ANKRD35: variants seen among roughly 807,000 people sequenced by gnomAD.
ANKRD35 encodes the protein ankyrin repeat domain-containing protein 35.
A neutral mutation model predicts 109.9 loss-of-function variants in ANKRD35; 102 were observed. The ratio of observed to expected loss-of-function variants is 0.93; its 90% CI spans 0.79 to 1.09. The LOEUF (loss-of-function observed/expected upper bound fraction) is 1.09, where lower values mean the gene tolerates loss of function less well. Among genes scored for constraint, ANKRD35 ranks in the 50% least tolerant of loss-of-function variants. The pLI is 0.00. For synonymous variants in ANKRD35, 515 were observed against 512.4 expected, an observed-to-expected ratio of 1.01 and a Z score of -0.07; for missense variants, 1,240 against 1,230.1, an observed-to-expected ratio of 1.01 and a Z score of -0.12.
In ANKRD35 at chr1:145,868,556, T is replaced by C. The variant is rs1653691007; in HGVS notation, c.2788-156A>G. On this transcript the variant is annotated intron_variant, in intron 10 of 13. Coordinates refer to ENST00000355594, the MANE Select transcript of ANKRD35 (RefSeq NM_144698.5). ...AAACAGCTTTTCTTCTGTGTGGTGTTCACTAAAAGTAGGAATAACAACGTA... is the reference window on the plus strand; with the variant it reads ...AAACAGCTTTTCTTCTGTGTGGTGTCCACTAAAAGTAGGAATAACAACGTA... 1.3e-5 allele frequency among the ~76,000 whole-genome samples: 2 copies of C among 152,230 alleles called. 1 individual carries two copies. The highest frequency in any genetic ancestry group is 4.1e-4 in the South Asian group (2 of 4,834).
chr1:145,869,399 C>T (rs1242625760), intron 10 of ANKRD35, among the ~76,000 whole-genome samples: 1 of 152,032 alleles, frequency 6.6e-6, no homozygotes, highest in African/African-American at 2.4e-5. Context: ...CCAGGCTGGT[C>T]TCGAACTCCT....
At position 145,872,183 on chromosome 1, in the gene ANKRD35, C is replaced by A. The variant is rs782380320; in HGVS notation, c.2586G>T (p.Thr862=). The part of the protein sequence containing the change: ...ELKALLEKYN[T]ACREVGRLRE... ...GCAGCCGACCCACTTCCCGGCAGGC[C>A]GTATTATACTTTTCCAACAGAGCCT... The change falls in exon 10 of 14, where the codon ACG becomes ACT. Residue 862 remains threonine (T), a synonymous_variant. Coordinates refer to ENST00000355594, the MANE Select transcript of ANKRD35 (RefSeq NM_144698.5). 1.2e-5 allele frequency: 20 copies of A among 1,607,874 alleles called. No homozygotes were observed. Among genetic ancestry groups the A allele is most frequent in the Middle Eastern group, 1.7e-4 (1 of 5,992 alleles).
At chr1:145,875,827 G>A (rs1384806692) in intron 7 of ANKRD35, among the ~76,000 whole-genome samples, 3 of 152,172 alleles carry the variant, frequency 2.0e-5, no homozygotes, top group Non-Finnish European at 4.4e-5. Context: ...GGATCACAGG[G>A]ATTCTACATA....
intron 8 of ANKRD35, 22 bp downstream of exon 8, chr1:145,874,800 G>A: frequency 6.5e-7 from 1 of 1,545,374 alleles, no homozygotes; most frequent in Non-Finnish European, 8.7e-7. Context: ...AGAGAACGTG[G>A]AAGTTACACA....
intron 3 of ANKRD35, 132 bp from the exon 4 acceptor site, chr1:145,878,164 A>T: frequency 2.0e-6 from 2 of 990,878 alleles, no homozygotes; most frequent in Non-Finnish European, 3.2e-6. Context: ...ACGGGGCCAG[A>T]AATTCCTGTT....
intron 1 of ANKRD35, among the ~76,000 whole-genome samples, chr1:145,881,026 C>T (rs913640908): frequency 1.3e-5 from 2 of 152,178 alleles, no homozygotes; most frequent in East Asian, 3.8e-4. Flanking sequence ...TGGTTCACGC[C>T]TGCAATCCCA....
intron 10 of ANKRD35, among the ~76,000 whole-genome samples, chr1:145,870,202 T>C (rs892033836): frequency 8.6e-5 from 13 of 151,254 alleles, no homozygotes; most frequent in Non-Finnish European, 7.4e-5. Flanking sequence ...ACCATTCTCC[T>C]GCCTCAGCCT....
intron 1 of ANKRD35, among the ~76,000 whole-genome samples, chr1:145,880,231 T>C (rs760153744): frequency 1.4e-4 from 21 of 152,078 alleles, no homozygotes; most frequent in Non-Finnish European, 2.6e-4. Context: ...TGAAGTGTTA[T>C]AGGGCATAAA....
chr1:145,867,923 G>T (rs1653666223), intron 12 of ANKRD35, 68 bp downstream of exon 12: 1 of 1,476,214 alleles, frequency 6.8e-7, no homozygotes, highest in South Asian at 1.1e-5. Context: ...AAGAGAGAGG[G>T]ACCCTAAATG....
chr1:145,879,049 T>C (rs587628512), intron 2 of ANKRD35, among the ~76,000 whole-genome samples: 1 of 152,326 alleles, frequency 6.6e-6, no homozygotes, highest in South Asian at 2.1e-4. Context: ...CAATCTGGGT[T>C]GTGCAATGGA....
intron 2 of ANKRD35, 39 bp downstream of exon 2, chr1:145,879,219 A>AAGAAG: frequency 6.5e-7 from 1 of 1,526,984 alleles, no homozygotes; most frequent in Admixed American, 2.0e-5. Flanking sequence ...TTCAAAAGGG[A>AAGAAG]GCCACATGTA....
In ANKRD35 at chr1:145,876,655, T is replaced by C. The variant is rs1553740177; in HGVS notation, c.383-16A>G. On this transcript the variant is annotated splice_polypyrimidine_tract_variant and intron_variant, in intron 5 of 13. Transcript: ENST00000355594. ...CCAGAGGAGGCTGGGGAGAAGATGT[T>C]TGGGTTAAGGGGAAGCATGAAGAAA... The C allele has an allele frequency of 1.2e-6, 2 of 1,614,012 alleles. No individual in the cohort carries two copies. Among genetic ancestry groups the C allele is most frequent in the Non-Finnish European group, 8.5e-7 (1 of 1,179,996 alleles).
In ANKRD35 at chr1:145,874,582, G is replaced by A. The variant is rs587642602; in HGVS notation, c.745+240C>T. Among the ~76,000 whole-genome samples the A allele has an allele frequency of 3.3e-5, 5 of 152,262 alleles. No homozygotes were observed. The South Asian group carries it at 1.0e-3, about 32-fold the overall frequency. On this transcript the variant is annotated intron_variant, in intron 8 of 13. Transcript: ENST00000355594. ...AGATGTACAATTACAACTCACAAACGCCAGAAACAACACTAGCCAGAGCTG... is the reference window on the plus strand; with the variant it reads ...AGATGTACAATTACAACTCACAAACACCAGAAACAACACTAGCCAGAGCTG...
Position 145,873,671 on chromosome 1 carries a change from C to A in ANKRD35, c.1098G>T (p.Gly366=), listed in dbSNP as rs782093476. ...TAGGACAACCCTGCTCCATGCCATCCCCTCCAGGCCGGAGACTAGAGCCTT... is the reference window on the plus strand; with the variant it reads ...TAGGACAACCCTGCTCCATGCCATCACCTCCAGGCCGGAGACTAGAGCCTT... ...GKQGSSLRPG[G]DGMEQGCPKD... The change falls in exon 10 of 14, where the codon GGG becomes GGT. Residue 366 remains glycine, a synonymous_variant. Transcript: ENST00000355594. 24 of 1,614,130 alleles carry A rather than the reference C, an allele frequency of 1.5e-5. No homozygotes were observed. The highest frequency in any genetic ancestry group is 1.9e-5 in the Non-Finnish European group (22 of 1,180,028).
In ANKRD35 at chr1:145,876,570, T is replaced by G; in HGVS notation, c.452A>C (p.Asn151Thr). The change falls in exon 6 of 14, where the codon AAT becomes ACT. Residue 151 changes from asparagine (N) to threonine (T), a missense_variant and splice_region_variant. Physicochemically the swap from Asn to Thr is moderately conservative, Grantham distance 65 (BLOSUM62 0). Coordinates refer to ENST00000355594, the MANE Select transcript of ANKRD35 (RefSeq NM_144698.5). ...CCCACTTGCCCATCTGACACTCACA[T>G]TATCCAACACGTCCAGGAAGGCTTC... ...DHEAFLDVLD[N>T]DGRTPLMIAS... The G allele has an allele frequency of 6.2e-7, 1 of 1,614,134 alleles. No individual in the cohort carries two copies. The highest frequency in any genetic ancestry group is 8.5e-7 in the Non-Finnish European group (1 of 1,180,028).
rs1422191673 is a variant in ANKRD35, at chr1:145,873,334, C to T, written c.1435G>A (p.Val479Met). 4.3e-6 allele frequency: 7 copies of T among 1,614,108 alleles called. No homozygotes were observed. The highest frequency in any genetic ancestry group is 5.1e-6 in the Non-Finnish European group (6 of 1,180,046). ...QVLGVEPGGT[V>M]AEPVGPAAMN... is the part of the protein sequence containing the mutation. ...GCTGCTGGGCCCACTGGTTCAGCCACTGTGCCTCCTGGTTCAACTCCTAGA... is the reference window on the plus strand; with the variant it reads ...GCTGCTGGGCCCACTGGTTCAGCCATTGTGCCTCCTGGTTCAACTCCTAGA... The change falls in exon 10 of 14, where the codon GTG (valine) becomes ATG (methionine). Residue 479 changes from valine to methionine, a missense_variant. Val to Met is a conservative substitution (Grantham distance 21). Transcript: ENST00000355594.
chr1:145,879,926 C>T (rs1654225995), intron 1 of ANKRD35, among the ~76,000 whole-genome samples: 2 of 152,188 alleles, frequency 1.3e-5, no homozygotes, highest in African/African-American at 2.4e-5. Flanking sequence ...CTAACCATTC[C>T]ACCTCTTTTC....
chr1:145,884,611 C>G (rs1654410837), intron 1 of ANKRD35, among the ~76,000 whole-genome samples: 1 of 152,046 alleles, frequency 6.6e-6, no homozygotes, highest in African/African-American at 2.4e-5. Context: ...AATACCCTCC[C>G]TAAGCCACCA....
chr1:145,866,846 G>A (rs1288088950), intron 13 of ANKRD35, 81 bp from the exon 14 acceptor site: 2 of 155,180 alleles, frequency 1.3e-5, no homozygotes, highest in Admixed American at 6.4e-5. Flanking sequence ...ATGCTAAAAG[G>A]GACCCTCATC....
Sources: gnomAD v4.1 joint callset for allele counts (sites outside exome capture counted in the v4.1 genomes callset) on GRCh38, gnomAD v4.1.1 for gene constraint, MANE v1.5 for transcripts, NCBI Gene and HGNC (gene_info 2026-07-23, HGNC 2026-07-21) for gene names.